The following CCDC171 variants were observed in gnomAD, a reference collection of about 807,000 sequenced individuals.
CCDC171 encodes the protein coiled-coil domain-containing protein 171.
In CCDC171, 177 loss-of-function variants were observed where a neutral mutation model predicts 168.2. The ratio of observed to expected loss-of-function variants is 1.05; its 90% CI spans 0.93 to 1.19. The LOEUF (loss-of-function observed/expected upper bound fraction) is 1.19, where lower values mean the gene tolerates loss of function less well. Among genes scored for constraint, CCDC171 ranks in the 50% most tolerant of loss-of-function variants. CCDC171 has a pLI of 0.00. For missense variants in CCDC171, 1,991 were observed against 1,539.0 expected (o/e 1.29, Z -4.91); for synonymous variants, 687 against 540.8 (o/e 1.27, Z -3.75).
In CCDC171 at chr9:15,681,447, TC is replaced by T. The variant is rs541973639; in HGVS notation, c.1215+2554del. ...CTTCCATCTTCCTCTTCTTTCTTCTTCCCTGTTAGCTTTCTTTTAACTTTTT... is the reference window on the plus strand; with the variant it reads ...CTTCCATCTTCCTCTTCTTTCTTCTTCCTGTTAGCTTTCTTTTAACTTTTT... On this transcript the variant is annotated intron_variant, in intron 10 of 25. Coordinates refer to ENST00000380701, the MANE Select transcript of CCDC171 (RefSeq NM_173550.4). Among the ~76,000 whole-genome samples the T allele has an allele frequency of 7.4e-4, 112 of 152,230 alleles. 1 individual carries two copies. Among genetic ancestry groups the T allele is most frequent in the Middle Eastern group, 3.4e-3 (1 of 294 alleles).
intron 6 of CCDC171, among the ~76,000 whole-genome samples, chr9:15,607,007 C>A (rs554836548): frequency 6.6e-6 from 1 of 152,234 alleles, no homozygotes; most frequent in African/African-American, 2.4e-5. Context: ...GGGATGAAGG[C>A]AAGTTTTTCT....
intron 5 of CCDC171, 116 bp downstream of exon 5, chr9:15,591,672 C>T (rs2131468856): frequency 3.1e-6 from 2 of 641,054 alleles, no homozygotes; most frequent in East Asian, 6.0e-5. Flanking sequence ...TCCTTCCTTC[C>T]TCCCTCCCAT....
chr9:15,832,648 G>A (rs1431227689), intron 21 of CCDC171, among the ~76,000 whole-genome samples: 2 of 152,162 alleles, frequency 1.3e-5, no homozygotes, highest in Non-Finnish European at 2.9e-5. Context: ...TTGAGGGACT[G>A]GAAGTTGCTC....
chr9:15,759,430 C>G (rs907986719), intron 18 of CCDC171, among the ~76,000 whole-genome samples: 13 of 152,250 alleles, frequency 8.5e-5, no homozygotes, highest in African/African-American at 2.9e-4. Flanking sequence ...ATCAGGAAAT[C>G]AACATGGATA....
chr9:15,694,645 CCAATCCAGTT>C (rs1356015110), intron 10 of CCDC171, among the ~76,000 whole-genome samples: 1 of 152,184 alleles, frequency 6.6e-6, no homozygotes, highest in Non-Finnish European at 1.5e-5. Flanking sequence ...CTCATCCAAT[CCAATCCAGTT>C]CAATCCAGTC....
At chr9:15,895,331 A>C (rs1057192022) in intron 24 of CCDC171, among the ~76,000 whole-genome samples, 7 of 152,150 alleles carry the variant, frequency 4.6e-5, no homozygotes, top group African/African-American at 1.7e-4. Context: ...TGTATCTGTT[A>C]CTTGCTAAGT....
intron 21 of CCDC171, among the ~76,000 whole-genome samples, chr9:15,824,234 T>C (rs1412513404): frequency 6.6e-6 from 1 of 152,038 alleles, no homozygotes; most frequent in Non-Finnish European, 1.5e-5. Flanking sequence ...CACTCTACAG[T>C]TTATGTAAAT....
chr9:15,856,709 T>G (rs2061360867), intron 23 of CCDC171, among the ~76,000 whole-genome samples: 1 of 152,044 alleles, frequency 6.6e-6, no homozygotes. Context: ...GCCCTTCTTT[T>G]AGATAAATAC....
chr9:16,040,607 T>C (rs1330033450), upstream of CCDC171, among the ~76,000 whole-genome samples: 1 of 152,228 alleles, frequency 6.6e-6, no homozygotes, highest in Non-Finnish European at 1.5e-5. Context: ...AGTTGTAAAG[T>C]GCAGGAGCTT....
At chr9:15,632,569 T>G (rs944393945) in intron 7 of CCDC171, among the ~76,000 whole-genome samples, 5 of 152,030 alleles carry the variant, frequency 3.3e-5, no homozygotes, top group African/African-American at 1.2e-4. Flanking sequence ...GTAGGAAGAA[T>G]CAATATCGTG....
chr9:15,793,465 C>A (rs7466717), intron 21 of CCDC171, among the ~76,000 whole-genome samples: 1 of 150,752 alleles, frequency 6.6e-6, no homozygotes, highest in African/African-American at 2.4e-5. Flanking sequence ...CTGCACCAAG[C>A]GGACCTAGTA....
At chr9:15,950,420 A>G (rs2132453089) in intron 25 of CCDC171, among the ~76,000 whole-genome samples, 1 of 152,278 alleles carries the variant, frequency 6.6e-6, no homozygotes, top group Non-Finnish European at 1.5e-5. Flanking sequence ...CTAACAGCAG[A>G]TGTCTTGGCA....
chr9:15,858,664 G>A (rs924177029), intron 23 of CCDC171, among the ~76,000 whole-genome samples: 13 of 152,026 alleles, frequency 8.6e-5, no homozygotes, highest in Admixed American at 2.6e-4. Flanking sequence ...TCTTTTTGAT[G>A]TGGTTATAAG....
At chr9:16,072,953 G>C in the CCDC171 span, among the ~76,000 whole-genome samples, 1 of 152,102 alleles carries the variant, frequency 6.6e-6, no homozygotes, top group African/African-American at 2.4e-5. Context: ...TTAATTAGTG[G>C]ACAAATAAGA....
chr9:15,779,278 C>A, intron 20 of CCDC171, 128 bp downstream of exon 20: 1 of 512,902 alleles, frequency 1.9e-6, no homozygotes, highest in Non-Finnish European at 3.1e-6. Flanking sequence ...AATAACATCT[C>A]TTTTTCTTCA....
intron 24 of CCDC171, among the ~76,000 whole-genome samples, chr9:15,906,321 C>A (rs1282949268): frequency 6.6e-6 from 1 of 152,152 alleles, no homozygotes; most frequent in Non-Finnish European, 1.5e-5. Context: ...AAAGCTTATC[C>A]ACCATGATCA....
chr9:15,574,566 A>G (rs2040485509), intron 3 of CCDC171, among the ~76,000 whole-genome samples: 1 of 151,620 alleles, frequency 6.6e-6, no homozygotes, highest in South Asian at 2.1e-4. Context: ...GGTGTAAGCC[A>G]TTGAGCCACT....
chr9:15,627,942 G>T (rs1399370893), intron 7 of CCDC171, among the ~76,000 whole-genome samples: 1 of 152,116 alleles, frequency 6.6e-6, no homozygotes, highest in Non-Finnish European at 1.5e-5. Flanking sequence ...TTATTATTGT[G>T]TGGGAGTCTA....
At chr9:15,989,989 G>A (rs1019493228) in intron 3 of CCDC171, among the ~76,000 whole-genome samples, 1 of 152,204 alleles carries the variant, frequency 6.6e-6, no homozygotes, top group Non-Finnish European at 1.5e-5. Flanking sequence ...AAGGAACCAA[G>A]TTGGAAAACA....
Sources: allele counts gnomAD v4.1 joint callset (sites outside exome capture counted in the v4.1 genomes callset), GRCh38; gene constraint gnomAD v4.1.1; transcripts MANE v1.5; gene names NCBI Gene and HGNC (gene_info 2026-07-23, HGNC 2026-07-21).